ZNF670: variants seen among roughly 807,000 people sequenced by gnomAD.
ZNF670 encodes the protein zinc finger protein 670.
A neutral mutation model predicts 10.9 loss-of-function variants in ZNF670; 7 were observed. The ratio of observed to expected loss-of-function variants is 0.64; its 90% CI spans 0.36 to 1.20. ZNF670 has a LOEUF of 1.20. Ranked by LOEUF, ZNF670 falls within the 50% of genes most tolerant of loss-of-function variation. The pLI is 0.02. For missense variants in ZNF670, 446 were observed against 458.6 expected, an observed-to-expected ratio of 0.97 and a Z score of 0.25; for synonymous variants, 136 against 152.7, an observed-to-expected ratio of 0.89 and a Z score of 0.81.
intron 1 of ZNF670, among the ~76,000 whole-genome samples, chr1:247,078,263 C>A (rs779525033): frequency 1.3e-5 from 2 of 152,344 alleles, no homozygotes; most frequent in Admixed American, 1.3e-4. Context: ...ACTTCACAGA[C>A]CACAGCTCCT....
chr1:247,040,053 A>G (rs1303821515), intron 1 of ZNF670, among the ~76,000 whole-genome samples: 1 of 152,184 alleles, frequency 6.6e-6, no homozygotes, highest in Non-Finnish European at 1.5e-5. Context: ...GCTGAACTCC[A>G]GTTTTGTTTT....
chr1:247,078,755 C>A lies in ZNF670; in HGVS notation c.-159G>T, dbSNP rs2103077214. ...CTCGCCACATTCGCGCTGCCCAACA[C>A]AAAAGCCGCGCCAGGTCCCGGAAGC... On this transcript the variant is annotated 5_prime_UTR_variant, in exon 1 of 4. Coordinates refer to ENST00000366503, the MANE Select transcript of ZNF670 (RefSeq NM_033213.5). 3 of 753,474 alleles carry A rather than the reference C, an allele frequency of 4.0e-6. No individual in the cohort carries two copies. The highest frequency in any genetic ancestry group is 2.1e-6 in the Non-Finnish European group (1 of 467,398). 46.7% of individuals were successfully genotyped at this position (753,474 alleles called of 1,614,324 possible). A position where few individuals can be genotyped will look rare whatever the true frequency, so the allele number is the denominator to read the frequency against.
At chr1:247,057,564 C>T (rs1340270366) in intron 1 of ZNF670, among the ~76,000 whole-genome samples, 1 of 152,124 alleles carries the variant, frequency 6.6e-6, no homozygotes, top group South Asian at 2.1e-4. Flanking sequence ...ACACAATAGC[C>T]AAGATTTGGA....
At chr1:247,048,556 G>T (rs1273801922) in intron 1 of ZNF670, among the ~76,000 whole-genome samples, 4 of 151,990 alleles carry the variant, frequency 2.6e-5, no homozygotes, top group Non-Finnish European at 5.9e-5. Flanking sequence ...ACATATTCAG[G>T]TATCTTTATA....
chr1:247,038,091 C>A lies in ZNF670; in HGVS notation c.528G>T (p.Lys176Asn). The change falls in exon 4 of 4, where the codon AAG becomes AAT. Residue 176 changes from lysine (K) to asparagine (N), a missense_variant. By Grantham distance (94) the Lys-to-Asn change is moderately conservative. Coordinates refer to ENST00000366503, the MANE Select transcript of ZNF670 (RefSeq NM_033213.5). ...NGPYKGPVYEKPFDFPSVFQM... is the reference protein window; with the variant it reads ...NGPYKGPVYENPFDFPSVFQM... ...GAAATACACTAGGAAAATCAAAAGG[C>A]TTCTCATACACTGGACCCTTATAAG... 6.2e-6 allele frequency: 10 copies of A among 1,614,164 alleles called. No individual in the cohort carries two copies. The highest frequency in any genetic ancestry group is 8.5e-6 in the Non-Finnish European group (10 of 1,180,014).
chr1:247,063,039 T>C (rs1670893856), intron 1 of ZNF670, among the ~76,000 whole-genome samples: 1 of 152,214 alleles, frequency 6.6e-6, no homozygotes, highest in Non-Finnish European at 1.5e-5. Flanking sequence ...ATGAAATGTC[T>C]GCGCTTAGGT....
rs910452329 is a variant in ZNF670, at chr1:247,036,175, C to T, written c.*1274G>A. On this transcript the variant is annotated 3_prime_UTR_variant, in exon 4 of 4. Coordinates refer to ENST00000366503, the MANE Select transcript of ZNF670 (RefSeq NM_033213.5). ...TCATCTCAATAGATGCAGAAAAAAA[C>T]ATGTCATAAGAGTTCAACACTCCTT... Among the ~76,000 whole-genome samples the T allele has an allele frequency of 6.6e-6, 1 of 152,048 alleles. No individual in the cohort carries two copies. Among genetic ancestry groups the T allele is most frequent in the Non-Finnish European group, 1.5e-5 (1 of 68,006 alleles).
At position 247,037,359 on chromosome 1, in the gene ZNF670, A is replaced by T; in HGVS notation, c.*90T>A. 1 of 1,449,972 alleles carries T rather than the reference A, an allele frequency of 6.9e-7. No homozygotes were observed. Among genetic ancestry groups the T allele is most frequent in the East Asian group, 2.3e-5 (1 of 43,302 alleles). The allele number at this position is 1,449,972 out of a possible 1,614,324, so 89.8% of individuals were successfully genotyped here. On this transcript the variant is annotated 3_prime_UTR_variant, in exon 4 of 4. Coordinates refer to ENST00000366503, the MANE Select transcript of ZNF670 (RefSeq NM_033213.5). ...GGGTTTCTCTCTAATTTGAGTTTTT[A>T]ATTTTTTCACGTGTTCTAATGAAAC... is the stretch of plus-strand genomic sequence containing the variant.
intron 1 of ZNF670, among the ~76,000 whole-genome samples, chr1:247,068,517 T>C (rs1270943256): frequency 1.3e-5 from 2 of 150,460 alleles, no homozygotes; most frequent in African/African-American, 2.5e-5. Context: ...TAGCAAATTC[T>C]GGCAAGAATA....
chr1:247,073,674 C>T (rs1671189028), intron 1 of ZNF670, among the ~76,000 whole-genome samples: 2 of 152,150 alleles, frequency 1.3e-5, no homozygotes, highest in African/African-American at 4.8e-5. Context: ...AACCAATTCT[C>T]CAACACCTAC....
intron 1 of ZNF670, among the ~76,000 whole-genome samples, chr1:247,059,257 C>A (rs561412407): frequency 6.6e-6 from 1 of 151,426 alleles, no homozygotes; most frequent in African/African-American, 2.4e-5. Context: ...CTGGCTAACA[C>A]GGTGAAACCC....
At chr1:247,046,457 TG>T (rs1361802343) in intron 1 of ZNF670, among the ~76,000 whole-genome samples, 2 of 152,164 alleles carry the variant, frequency 1.3e-5, no homozygotes, top group African/African-American at 2.4e-5. Flanking sequence ...ATATACCACT[TG>T]GGCCACGGTT....
intron 1 of ZNF670, among the ~76,000 whole-genome samples, chr1:247,063,349 G>A (rs558565852): frequency 5.3e-5 from 8 of 152,042 alleles, no homozygotes; most frequent in Non-Finnish European, 8.8e-5. Flanking sequence ...TGAGGCGGGC[G>A]GATCAAGAGG....
intron 1 of ZNF670, among the ~76,000 whole-genome samples, chr1:247,053,204 C>T (rs895373339): frequency 3.9e-5 from 6 of 152,214 alleles, no homozygotes; most frequent in Admixed American, 3.3e-4. Context: ...GGCTACAAGC[C>T]TCCTCACTGA....
At chr1:247,073,960 A>G (rs1412672931) in intron 1 of ZNF670, among the ~76,000 whole-genome samples, 1 of 152,326 alleles carries the variant, frequency 6.6e-6, no homozygotes, top group Admixed American at 6.5e-5. Flanking sequence ...GAACAACTCA[A>G]TGGAAGAGTT....
rs562470849 is a variant in ZNF670 at position 247,036,084 on chromosome 1, T to C, written c.*1365A>G. 4.6e-5 allele frequency among the ~76,000 whole-genome samples: 7 copies of C among 152,242 alleles called. No homozygotes were observed. In the South Asian group the frequency reaches 1.0e-3, roughly 23 times the overall value. On this transcript the variant is annotated 3_prime_UTR_variant, in exon 4 of 4. Coordinates refer to ENST00000366503, the MANE Select transcript of ZNF670 (RefSeq NM_033213.5). ...AAGACAAATTTCACCCAGATAACCATAATATATTTATATCTGAAAGCCAGT... is the reference window on the plus strand; with the variant it reads ...AAGACAAATTTCACCCAGATAACCACAATATATTTATATCTGAAAGCCAGT...
At position 247,037,647 on chromosome 1, in the gene ZNF670, T is replaced by C; in HGVS notation, c.972A>G (p.Leu324=). 3 of 1,613,946 alleles carry C rather than the reference T, an allele frequency of 1.9e-6. No individual in the cohort carries two copies. Among genetic ancestry groups the C allele is most frequent in the Non-Finnish European group, 2.5e-6 (3 of 1,179,952 alleles). Residue 324 remains leucine, a synonymous_variant, in exon 4 of 4, where the codon CTA becomes CTG. Transcript: ENST00000366503. ...CGKAFKYSSN[L]CEHERTHTGV... ...CAGTGTGAGTTCTTTCATGCTCACATAGGTTACTAGAATATTTGAAGGCTT... is the reference window on the plus strand; with the variant it reads ...CAGTGTGAGTTCTTTCATGCTCACACAGGTTACTAGAATATTTGAAGGCTT...
At chr1:247,038,676 G>T in intron 3 of ZNF670, 134 bp downstream of exon 3, 1 of 747,570 alleles carries the variant, frequency 1.3e-6, no homozygotes, top group South Asian at 1.9e-5. Flanking sequence ...GTTACATTCA[G>T]GTGTATTTTT....
At chr1:247,052,595 T>C (rs1670623141) in intron 1 of ZNF670, among the ~76,000 whole-genome samples, 1 of 152,196 alleles carries the variant, frequency 6.6e-6, no homozygotes, top group African/African-American at 2.4e-5. Flanking sequence ...GCAATGAACT[T>C]GTCATGTGGG....
Sources: gnomAD v4.1 joint callset for allele counts (sites outside exome capture counted in the v4.1 genomes callset) on GRCh38, gnomAD v4.1.1 for gene constraint, MANE v1.5 for transcripts, NCBI Gene and HGNC (gene_info 2026-07-23, HGNC 2026-07-21) for gene names.